RASGEF1C: variants seen among roughly 807,000 people sequenced by gnomAD.
RASGEF1C encodes the protein RasGEF domain family member 1C.
RASGEF1C carries 27 observed loss-of-function variants against 58.1 expected under a neutral mutation model. The ratio of observed to expected loss-of-function variants is 0.46; its 90% CI spans 0.34 to 0.64. RASGEF1C has a LOEUF of 0.64. RASGEF1C is among the 30% of genes least tolerant of loss of function. The probability of loss-of-function intolerance (pLI) is 0.01; values close to 1 mark genes in which losing one functional copy is unlikely to be tolerated. For missense variants in RASGEF1C, 502 were observed against 605.1 expected (o/e 0.83, Z 1.79); for synonymous variants, 243 against 246.3 (o/e 0.99, Z 0.13).
chr5:180,163,508 C>CT (rs1340459293), intron 1 of RASGEF1C, among the ~76,000 whole-genome samples: 1 of 151,908 alleles, frequency 6.6e-6, no homozygotes, highest in Non-Finnish European at 1.5e-5. Flanking sequence ...TTGTTCAATG[C>CT]TTTTTCTGCA....
Position 180,101,426 on chromosome 5 carries a change from C to G in RASGEF1C, c.*75G>C. The G allele has an allele frequency of 2.5e-6, 4 of 1,573,038 alleles. No homozygotes were observed. The East Asian group carries it at 6.7e-5, about 26-fold the overall frequency. On this transcript the variant is annotated 3_prime_UTR_variant, in exon 14 of 14. Transcript: ENST00000361132. ...AGTGAGGCACTCCCTGGCCTCTGCC[C>G]ACTGGGCCACTGAGGCAGGGCTGTG...
At chr5:180,205,679 A>G (rs895644226) in intron 1 of RASGEF1C, among the ~76,000 whole-genome samples, 3 of 151,310 alleles carry the variant, frequency 2.0e-5, no homozygotes, top group Non-Finnish European at 4.4e-5. Flanking sequence ...CTCTATTGCA[A>G]TGGTCTTGAA....
chr5:180,164,674 A>G (rs1168752833), intron 1 of RASGEF1C, among the ~76,000 whole-genome samples: 1 of 152,212 alleles, frequency 6.6e-6, no homozygotes, highest in African/African-American at 2.4e-5. Context: ...TATGAATTCA[A>G]TCTTTCATAG....
intron 1 of RASGEF1C, among the ~76,000 whole-genome samples, chr5:180,195,630 CG>C (rs1217309515): frequency 2.6e-5 from 4 of 151,962 alleles, no homozygotes; most frequent in Non-Finnish European, 5.9e-5. Context: ...GGCGCGGTGG[CG>C]GGCGCCTGTA....
At chr5:180,122,155 CA>C (rs1483501479) in intron 6 of RASGEF1C, among the ~76,000 whole-genome samples, 1 of 152,202 alleles carries the variant, frequency 6.6e-6, no homozygotes, top group Non-Finnish European at 1.5e-5. Flanking sequence ...GATCCGCTGG[CA>C]AAAGCCTTGT....
At chr5:180,170,439 C>T (rs79145636) in intron 1 of RASGEF1C, among the ~76,000 whole-genome samples, 4,464 of 152,328 alleles carry the variant, frequency 0.029, 117 homozygotes, top group South Asian at 0.097. Context: ...TGTGTGAAGC[C>T]AGCAGGGCCA....
intron 1 of RASGEF1C, among the ~76,000 whole-genome samples, chr5:180,184,361 G>A (rs1005233119): frequency 6.6e-6 from 1 of 152,082 alleles, no homozygotes; most frequent in African/African-American, 2.4e-5. Context: ...GATCACCTGA[G>A]GTCAGGAGTT....
At chr5:180,194,319 C>T (rs1446863921) in intron 1 of RASGEF1C, among the ~76,000 whole-genome samples, 2 of 152,212 alleles carry the variant, frequency 1.3e-5, no homozygotes, top group Admixed American at 6.5e-5. Context: ...TAATTTGTTC[C>T]TCTTTCTTAT....
chr5:180,132,797 T>C (rs551981121), intron 4 of RASGEF1C, among the ~76,000 whole-genome samples: 4 of 152,078 alleles, frequency 2.6e-5, no homozygotes, highest in East Asian at 1.9e-4. Context: ...AGTGAAACCC[T>C]GTCTCTACTA....
intron 10 of RASGEF1C, chr5:180,115,210 T>G: frequency 2.6e-6 from 1 of 383,592 alleles, no homozygotes; most frequent in South Asian, 1.9e-5. Flanking sequence ...AGACGGGGGT[T>G]TCACCATGTT....
chr5:180,190,499 AAAAAAAAAAT>A (rs1473016288), intron 1 of RASGEF1C, among the ~76,000 whole-genome samples: 6 of 99,176 alleles, frequency 6.0e-5, no homozygotes, highest in African/African-American at 1.3e-4. Flanking sequence ...CAAAAAAAAA[AAAAAAAAAAT>A]AATAATAATA....
chr5:180,183,352 G>A (rs975164913), intron 1 of RASGEF1C, among the ~76,000 whole-genome samples: 5 of 151,956 alleles, frequency 3.3e-5, no homozygotes, highest in African/African-American at 7.2e-5. Flanking sequence ...TAATGTTTTG[G>A]GTAGCAACAG....
chr5:180,199,473 T>G (rs1756341230), intron 1 of RASGEF1C, among the ~76,000 whole-genome samples: 1 of 152,132 alleles, frequency 6.6e-6, no homozygotes, highest in Non-Finnish European at 1.5e-5. Flanking sequence ...GGGAGATATT[T>G]CCTCTGCAGG....
chr5:180,195,300 CCTGA>C (rs2127563463), intron 1 of RASGEF1C, among the ~76,000 whole-genome samples: 2 of 152,244 alleles, frequency 1.3e-5, no homozygotes, highest in African/African-American at 2.4e-5. Context: ...GGCCCAGGGG[CCTGA>C]CTAACTCAGT....
chr5:180,167,853 T>C (rs1042637487), intron 1 of RASGEF1C, among the ~76,000 whole-genome samples: 2 of 152,256 alleles, frequency 1.3e-5, no homozygotes, highest in Non-Finnish European at 2.9e-5. Context: ...CTATGGAGAA[T>C]ATTTATATTT....
At chr5:180,107,306 T>A (rs1020381277) in intron 12 of RASGEF1C, among the ~76,000 whole-genome samples, 3 of 152,154 alleles carry the variant, frequency 2.0e-5, no homozygotes, top group African/African-American at 7.2e-5. Flanking sequence ...TTTTGTCTAT[T>A]TTTTTGTTTT....
In RASGEF1C at chr5:180,115,291, A is replaced by T. The variant is rs777499532; in HGVS notation, c.1084-750T>A. 5.1e-3 allele frequency: 1,013 copies of T among 198,234 alleles called. 2 individuals are homozygous for T. The highest frequency in any genetic ancestry group is 0.016 in the Middle Eastern group (25 of 1,528). The allele number at this position is 198,234 out of a possible 1,614,324, so 12.3% of individuals were successfully genotyped here. A position where few individuals can be genotyped will look rare whatever the true frequency, so the allele number is the denominator to read the frequency against. On this transcript the variant is annotated intron_variant, in intron 10 of 13. Transcript: ENST00000361132. ...GGCCTCCCAAGGTGGCCTCCTTTTT[A>T]AAAAAAAAAAAAAAAATTTAACAAT...
At chr5:180,160,810 A>G (rs1421608510) in intron 1 of RASGEF1C, among the ~76,000 whole-genome samples, 3 of 152,198 alleles carry the variant, frequency 2.0e-5, no homozygotes, top group African/African-American at 7.2e-5. Context: ...GACCCCTGGT[A>G]TATAAACTCA....
Position 180,158,105 on chromosome 5 carries a change from C to T in RASGEF1C, c.-6-20047G>A, listed in dbSNP as rs1385780587. 1.3e-5 allele frequency among the ~76,000 whole-genome samples: 2 copies of T among 152,094 alleles called. No individual in the cohort carries two copies. The highest frequency in any genetic ancestry group is 4.8e-5 in the African/African-American group (2 of 41,400). ...ACTTTCTGCTCAGTTTCGCTGCGAA[C>T]CTAAAACTGCTCTAAAAAATAAAGC... On this transcript the variant is annotated intron_variant, in intron 1 of 13. Transcript: ENST00000361132. The surrounding 1 kb of genome is among the most constrained non-coding windows in gnomAD (Gnocchi z 4.0).
Sources: gnomAD v4.1 joint callset for allele counts (sites outside exome capture counted in the v4.1 genomes callset) on GRCh38, gnomAD v4.1.1 for gene constraint, Gnocchi (gnomAD v3.1) non-coding constraint, MANE v1.5 for transcripts, NCBI Gene and HGNC (gene_info 2026-07-23, HGNC 2026-07-21) for gene names.